SYNE2: variants seen among roughly 807,000 people sequenced by gnomAD.
SYNE2 encodes the protein nesprin-2.
Under a neutral mutation model 856.3 loss-of-function variants are expected in SYNE2, and 431 were observed. The observed-to-expected ratio is 0.50, with a 90% CI of 0.47 to 0.55. The LOEUF (loss-of-function observed/expected upper bound fraction) is 0.55. Among genes scored for constraint, SYNE2 ranks in the 20% least tolerant of loss-of-function variants. The pLI is 0.00. For synonymous variants in SYNE2, 2,923 were observed against 2,872.3 expected (o/e 1.02, Z -0.56); for missense variants, 8,129 against 8,023.2 (o/e 1.01, Z -0.50).
Position 64,107,567 on chromosome 14 carries a change from A to G in SYNE2, c.12569A>G (p.Gln4190Arg). 1 of 1,614,194 alleles carries G rather than the reference A, an allele frequency of 6.2e-7. No individual in the cohort carries two copies. Among genetic ancestry groups the G allele is most frequent in the Non-Finnish European group, 8.5e-7 (1 of 1,180,038 alleles). The change falls in exon 65 of 116, where the codon CAA (glutamine) becomes CGA (arginine). Residue 4190 changes from glutamine (Q) to arginine (R), a missense_variant. This residue lies in a region of SYNE2 where 5,410 missense variants were observed against 5,284.8 expected (regional missense o/e 1.02). Coordinates refer to ENST00000555002, the MANE Select transcript of SYNE2 (RefSeq NM_182914.3). ...ILTPDSLNTE[Q>R]GPECSLRPNQ... ...ACACCAGACTCACTAAACACTGAGCAAGGCCCAGAATGTTCCCTAAGGCCC... is the reference window on the plus strand; with the variant it reads ...ACACCAGACTCACTAAACACTGAGCGAGGCCCAGAATGTTCCCTAAGGCCC...
chr14:63,969,380 C>T (rs1423122268), intron 11 of SYNE2, among the ~76,000 whole-genome samples: 4 of 135,570 alleles, frequency 3.0e-5, no homozygotes, highest in South Asian at 2.4e-4. Context: ...CTTGTTCTGT[C>T]GCCATGCTGG....
chr14:64,148,240 A>G (rs1216753834), intron 84 of SYNE2, among the ~76,000 whole-genome samples: 1 of 152,220 alleles, frequency 6.6e-6, no homozygotes, highest in Non-Finnish European at 1.5e-5. Context: ...CTTTGAGCCC[A>G]GGAATTCAAG....
chr14:63,816,507 G>T (rs1889001077), intron 1 of SYNE2, among the ~76,000 whole-genome samples: 2 of 151,978 alleles, frequency 1.3e-5, no homozygotes, highest in African/African-American at 2.4e-5. Context: ...GGAGCAGAAA[G>T]GTCACTCTCA....
intron 2 of SYNE2, among the ~76,000 whole-genome samples, chr14:63,910,642 T>A (rs2095461893): frequency 6.6e-6 from 1 of 152,240 alleles, no homozygotes; most frequent in Admixed American, 6.5e-5. Flanking sequence ...TTTGTAATGC[T>A]GGCTCTGCCA....
intron 70 of SYNE2, 100 bp downstream of exon 70, chr14:64,122,527 C>T (rs1345086623): frequency 6.6e-7 from 1 of 1,521,888 alleles, no homozygotes; most frequent in Non-Finnish European, 9.0e-7. Context: ...AGCAAAGTTG[C>T]CAAGTGAGTT....
intron 2 of SYNE2, among the ~76,000 whole-genome samples, chr14:63,924,640 A>G (rs1280328624): frequency 6.6e-6 from 1 of 152,160 alleles, no homozygotes; most frequent in Non-Finnish European, 1.5e-5. Context: ...ATATTTTCAA[A>G]TAGCAATTTC....
At chr14:64,177,299 T>G in intron 95 of SYNE2, 59 bp from the exon 96 acceptor site, 1 of 1,599,440 alleles carries the variant, frequency 6.3e-7, no homozygotes, top group Non-Finnish European at 8.6e-7. Flanking sequence ...GCTATTCTAT[T>G]TCTACAATTC....
At chr14:63,982,603 A>T (rs186434967) in intron 16 of SYNE2, 27 bp from the exon 17 acceptor site, 1 of 1,609,228 alleles carries the variant, frequency 6.2e-7, no homozygotes, top group Non-Finnish European at 8.5e-7. Flanking sequence ...TGTCATTAAG[A>T]TAGTGTGTTG....
At chr14:63,948,782 G>GTATA (rs3062027) in intron 6 of SYNE2, among the ~76,000 whole-genome samples, 2,460 of 43,452 alleles carry the variant, frequency 0.057, 110 homozygotes, top group Non-Finnish European at 0.079. Context: ...ATGTGTGTGT[G>GTATA]TATATATATA....
chr14:63,948,277 A>T (rs890435185), intron 6 of SYNE2, among the ~76,000 whole-genome samples: 1 of 152,120 alleles, frequency 6.6e-6, no homozygotes, highest in African/African-American at 2.4e-5. Context: ...AAAATATTGC[A>T]TCTTTCAATC....
chr14:63,918,872 C>A (rs921845309), intron 2 of SYNE2, among the ~76,000 whole-genome samples: 1 of 152,176 alleles, frequency 6.6e-6, no homozygotes, highest in African/African-American at 2.4e-5. Context: ...TAATATCTTT[C>A]CAAAACATTG....
chr14:64,083,886 A>G (rs1038039210), intron 57 of SYNE2, among the ~76,000 whole-genome samples: 1 of 152,240 alleles, frequency 6.6e-6, no homozygotes. Context: ...AATAACTGAA[A>G]CATACATTCA....
chr14:63,909,256 C>T lies in SYNE2; in HGVS notation c.79+29C>T, dbSNP rs756379722. 2.0e-6 allele frequency: 3 copies of T among 1,528,422 alleles called. No homozygotes were observed. The South Asian group carries it at 3.4e-5, about 17-fold the overall frequency. 94.7% of individuals were successfully genotyped at this position (1,528,422 alleles called of 1,614,324 possible). A position where few individuals can be genotyped will look rare whatever the true frequency, so the allele number is the denominator to read the frequency against. On this transcript the variant is annotated intron_variant, in intron 2 of 115. Coordinates refer to ENST00000555002, the MANE Select transcript of SYNE2 (RefSeq NM_182914.3). ...ATTAAGATTGGGTGGGGGTAACACCCACAGAAACTGGGGAAACCTTACTTT... is the reference window on the plus strand; with the variant it reads ...ATTAAGATTGGGTGGGGGTAACACCTACAGAAACTGGGGAAACCTTACTTT...
intron 96 of SYNE2, among the ~76,000 whole-genome samples, chr14:64,183,644 G>T (rs371038134): frequency 3.3e-5 from 5 of 152,222 alleles, no homozygotes; most frequent in African/African-American, 4.8e-5. Flanking sequence ...CTGAGTGAAC[G>T]AGACTCCGTC....
intron 1 of SYNE2, among the ~76,000 whole-genome samples, chr14:63,832,281 C>T (rs763581372): frequency 5.6e-4 from 85 of 151,810 alleles, no homozygotes; most frequent in Middle Eastern, 3.4e-3. Flanking sequence ...ATGGGACGAT[C>T]TCTTGAATCC....
chr14:64,027,770 G>A lies in SYNE2; in HGVS notation c.6691G>A (p.Glu2231Lys), dbSNP rs745399847. Residue 2231 changes from glutamate (E) to lysine (K), a missense_variant, in exon 43 of 116, where the codon GAA (glutamate) becomes AAA (lysine). Coordinates refer to ENST00000555002, the MANE Select transcript of SYNE2 (RefSeq NM_182914.3). ...EPWLEIKHLH[E>K]SLLQQLQDSV... ...TTGGCTGGAAATAAAGCATCTACAC[G>A]AAAGTCTTCTTCAACAACTGCAGGT... is the stretch of plus-strand genomic sequence containing the variant. 3.1e-6 allele frequency: 5 copies of A among 1,614,096 alleles called. No homozygotes were observed. Among genetic ancestry groups the A allele is most frequent in the African/African-American group, 2.7e-5 (2 of 75,050 alleles).
At chr14:63,980,912 A>G in intron 15 of SYNE2, 74 bp from the exon 16 acceptor site, 2 of 1,159,046 alleles carry the variant, frequency 1.7e-6, no homozygotes, top group Non-Finnish European at 2.5e-6. Flanking sequence ...GTCAATTAAT[A>G]TGCAAATATT....
chr14:64,113,571 G>C lies in SYNE2; in HGVS notation c.12840G>C (p.Gln4280His). 1 of 1,602,420 alleles carries C rather than the reference G, an allele frequency of 6.2e-7. No homozygotes were observed. The highest frequency in any genetic ancestry group is 1.7e-5 in the Admixed American group (1 of 58,158). Residue 4280 changes from glutamine (Q) to histidine (H), a missense_variant and splice_region_variant, in exon 66 of 116, where the codon CAG becomes CAC. This residue lies in a region of SYNE2 where 5,410 missense variants were observed against 5,284.8 expected (regional missense o/e 1.02). Transcript: ENST00000555002. ...TGGAACAGCAGCTGGTAGGGTGCCA[G>C]GTAAGACTGAGAAGTCAGAGTTCAT... ...QVLEQQLVGC[Q>H]AMLTEIEHKV...
At chr14:64,211,275 G>A (rs2098639671) in intron 103 of SYNE2, among the ~76,000 whole-genome samples, 1 of 152,162 alleles carries the variant, frequency 6.6e-6, no homozygotes, top group African/African-American at 2.4e-5. Context: ...ACCATGCCCG[G>A]CCTCTTGCAT....
Sources: gnomAD v4.1 joint callset for allele counts (sites outside exome capture counted in the v4.1 genomes callset) on GRCh38, gnomAD v4.1.1 for gene constraint, gnomAD v4.1.1 regional missense constraint, MANE v1.5 for transcripts, NCBI Gene and HGNC (gene_info 2026-07-23, HGNC 2026-07-21) for gene names.